Variants in GRIN2B observed in about 807,000 individuals in gnomAD.
GRIN2B encodes the protein glutamate receptor ionotropic, NMDA 2B.
GRIN2B carries 5 observed loss-of-function variants against 114.5 expected under a neutral mutation model. That is an observed-to-expected ratio of 0.04 (90% CI 0.02 to 0.09). The LOEUF (loss-of-function observed/expected upper bound fraction) is 0.09. GRIN2B is among the 10% of genes least tolerant of loss of function. The probability of loss-of-function intolerance (pLI) is 1.00; values close to 1 mark genes in which losing one functional copy is unlikely to be tolerated. For missense variants in GRIN2B, 1,108 were observed against 1,943.5 expected, an observed-to-expected ratio of 0.57 and a Z score of 8.08; for synonymous variants, 787 against 745.1, an observed-to-expected ratio of 1.06 and a Z score of -0.92.
At chr12:13,900,069 T>C (rs572120032) in intron 2 of GRIN2B, among the ~76,000 whole-genome samples, 1 of 152,360 alleles carries the variant, frequency 6.6e-6, no homozygotes, top group Non-Finnish European at 1.5e-5. Flanking sequence ...TCTATTCATA[T>C]TTCAAGAACA....
intron 10 of GRIN2B, among the ~76,000 whole-genome samples, chr12:13,584,097 CAG>C: frequency 6.6e-6 from 1 of 152,280 alleles, no homozygotes; most frequent in Middle Eastern, 3.4e-3. Flanking sequence ...GAGGAAGCGG[CAG>C]AGTCAGCCTC....
rs151228195 is a variant in GRIN2B, at chr12:13,816,764, G to A, written c.411+49034C>T. ...ATAATATACATTATATGTGTTATGT[G>A]TGTGTACATTAATTTCCTTCAAAGA... On this transcript the variant is annotated intron_variant, in intron 3 of 13. Coordinates refer to ENST00000609686, the MANE Select transcript of GRIN2B (RefSeq NM_000834.5). Among the ~76,000 whole-genome samples, 25 of 152,284 alleles carry A rather than the reference G, an allele frequency of 1.6e-4. No homozygotes were observed. The East Asian group carries it at 4.8e-3, about 29-fold the overall frequency.
At chr12:13,735,931 A>C (rs1863171883) in intron 4 of GRIN2B, among the ~76,000 whole-genome samples, 1 of 151,602 alleles carries the variant, frequency 6.6e-6, no homozygotes, top group African/African-American at 2.4e-5. Flanking sequence ...CCTCAATCTG[A>C]AGCACGTGTC....
At chr12:13,572,003 GGAGGGAGA>G (rs753234782) in intron 10 of GRIN2B, 39 bp from the exon 11 acceptor site, 5 of 1,498,208 alleles carry the variant, frequency 3.3e-6, no homozygotes, top group Middle Eastern at 1.7e-4. Flanking sequence ...AGCGGGAGAT[GGAGGGAGA>G]GAGAGAGAGA....
intron 4 of GRIN2B, among the ~76,000 whole-genome samples, chr12:13,698,708 A>G (rs1173242837): frequency 6.6e-6 from 1 of 152,190 alleles, no homozygotes; most frequent in Non-Finnish European, 1.5e-5. Context: ...TTTGAGACAG[A>G]GTTTCTCTCT....
chr12:13,662,467 G>A (rs1949933706), intron 5 of GRIN2B, among the ~76,000 whole-genome samples: 1 of 152,134 alleles, frequency 6.6e-6, no homozygotes, highest in South Asian at 2.1e-4. Context: ...CTTTGAGACT[G>A]GCCTTAAGAG....
At chr12:13,917,149 C>T (rs1489173161) in intron 2 of GRIN2B, among the ~76,000 whole-genome samples, 5 of 152,116 alleles carry the variant, frequency 3.3e-5, no homozygotes, top group Non-Finnish European at 7.4e-5. Context: ...TGAGCCTCTT[C>T]CAAATTTAGG....
chr12:13,597,123 T>G (rs143726350), intron 10 of GRIN2B, among the ~76,000 whole-genome samples: 2 of 152,346 alleles, frequency 1.3e-5, no homozygotes, highest in Admixed American at 1.3e-4. Context: ...TCTCCTCATC[T>G]GTAAAACGAT....
intron 4 of GRIN2B, among the ~76,000 whole-genome samples, chr12:13,695,581 A>T (rs921754940): frequency 2.0e-5 from 3 of 152,156 alleles, no homozygotes; most frequent in African/African-American, 7.2e-5. Flanking sequence ...TAGCTGCAGG[A>T]CAGGAGGGAG....
intron 10 of GRIN2B, among the ~76,000 whole-genome samples, chr12:13,580,148 A>G (rs1247162982): frequency 6.6e-6 from 1 of 152,244 alleles, no homozygotes; most frequent in Non-Finnish European, 1.5e-5. Flanking sequence ...AGTCAAGGCC[A>G]TCTCCTGATC....
chr12:13,962,348 C>A (rs1867709819), intron 2 of GRIN2B, among the ~76,000 whole-genome samples: 3 of 152,094 alleles, frequency 2.0e-5, no homozygotes, highest in Admixed American at 2.0e-4. Context: ...ATATACCATC[C>A]CTTCTCCCAT....
At chr12:13,759,236 C>G (rs1479073386) in intron 3 of GRIN2B, among the ~76,000 whole-genome samples, 5 of 151,934 alleles carry the variant, frequency 3.3e-5, no homozygotes, top group Non-Finnish European at 7.4e-5. Flanking sequence ...GTCTCCATCT[C>G]CTGACATGGT....
At chr12:13,855,049 G>GGAAA (rs57722937) in intron 3 of GRIN2B, among the ~76,000 whole-genome samples, 2 of 88,028 alleles carry the variant, frequency 2.3e-5, no homozygotes, top group African/African-American at 9.7e-5. Flanking sequence ...CATCTCTACT[G>GGAAA]AAAAAAAAAA....
chr12:13,608,489 A>G lies in GRIN2B; in HGVS notation c.2010+114T>C, dbSNP rs913082130. The G allele has an allele frequency of 6.6e-6, 5 of 753,254 alleles. No individual in the cohort carries two copies. The Admixed American group carries it at 8.0e-5, about 12-fold the overall frequency. 46.7% of individuals were successfully genotyped at this position (753,254 alleles called of 1,614,324 possible). A position where few individuals can be genotyped will look rare whatever the true frequency, so the allele number is the denominator to read the frequency against. On this transcript the variant is annotated intron_variant, in intron 10 of 13. Transcript: ENST00000609686. The stretch of plus-strand genomic sequence containing the variant: ...CCCATGTTCCAATACAAGAAAACAT[A>G]AGAAAGAACGGTCAATTCCAAAAAT...
chr12:13,664,640 C>A (rs1176480004), intron 5 of GRIN2B, among the ~76,000 whole-genome samples: 1 of 152,136 alleles, frequency 6.6e-6, no homozygotes, highest in East Asian at 1.9e-4. Flanking sequence ...ATTTGAAGAT[C>A]AGTGTTCTTA....
At chr12:13,869,033 C>G (rs1865866814) in intron 2 of GRIN2B, among the ~76,000 whole-genome samples, 1 of 152,140 alleles carries the variant, frequency 6.6e-6, no homozygotes. Flanking sequence ...TCTTGCTCTC[C>G]CTGTAGAATT....
chr12:13,600,131 G>C (rs1310482834), intron 10 of GRIN2B, among the ~76,000 whole-genome samples: 1 of 152,160 alleles, frequency 6.6e-6, no homozygotes, highest in East Asian at 1.9e-4. Context: ...ATCTTGCATA[G>C]GGATACCTTT....
chr12:13,730,448 C>T (rs755380823), intron 4 of GRIN2B, among the ~76,000 whole-genome samples: 4 of 152,102 alleles, frequency 2.6e-5, no homozygotes, highest in African/African-American at 7.2e-5. Flanking sequence ...TCTTATTTAA[C>T]GAGCACAAAT....
chr12:13,939,524 G>A (rs1312266119), intron 2 of GRIN2B, among the ~76,000 whole-genome samples: 1 of 141,852 alleles, frequency 7.0e-6, no homozygotes, highest in South Asian at 2.4e-4. Context: ...TCACCAGAAA[G>A]ACAGATGCCT....
Sources: gnomAD v4.1 joint callset for allele counts (sites outside exome capture counted in the v4.1 genomes callset) on GRCh38, gnomAD v4.1.1 for gene constraint, MANE v1.5 for transcripts, NCBI Gene and HGNC (gene_info 2026-07-23, HGNC 2026-07-21) for gene names.